NALF1: variants seen among roughly 807,000 people sequenced by gnomAD.
NALF1 encodes family with sequence similarity 155 member A.
In NALF1, 3 loss-of-function variants were observed where a neutral mutation model predicts 48.4. The ratio of observed to expected loss-of-function variants is 0.06; its 90% CI spans 0.03 to 0.16. The LOEUF (loss-of-function observed/expected upper bound fraction) is 0.16. NALF1 is among the 10% of genes least tolerant of loss of function. The probability of loss-of-function intolerance (pLI) is 1.00; values close to 1 mark genes in which losing one functional copy is unlikely to be tolerated. For synonymous variants in NALF1, 262 were observed against 245.7 expected (o/e 1.07, Z -0.62); for missense variants, 526 against 571.5 (o/e 0.92, Z 0.81).
chr13:107,468,285 G>A (rs79077073), intron 1 of NALF1, among the ~76,000 whole-genome samples: 1,798 of 152,204 alleles, frequency 0.012, 20 homozygotes, highest in South Asian at 0.035. Context: ...GCAAAATGGA[G>A]GCCACTATGC....
In NALF1 at chr13:107,576,659, T is replaced by C. The variant is rs150522443; in HGVS notation, c.915+289023A>G. Among the ~76,000 whole-genome samples, 1,484 of 152,298 alleles carry C rather than the reference T, an allele frequency of 9.7e-3. 19 individuals carry two copies. Among genetic ancestry groups the C allele is most frequent in the East Asian group, 0.057 (297 of 5,180 alleles). On this transcript the variant is annotated intron_variant, in intron 1 of 2. Coordinates refer to ENST00000375915, the MANE Select transcript of NALF1 (RefSeq NM_001080396.3). ...TCTAGGTGACTCAGGGAAGGCTTCA[T>C]GATCTGGACTCTGTGAAATTCGGTA... is the stretch of plus-strand genomic sequence containing the variant.
intron 1 of NALF1, among the ~76,000 whole-genome samples, chr13:107,851,945 A>G (rs1028378810): frequency 6.7e-6 from 1 of 150,222 alleles, no homozygotes; most frequent in East Asian, 2.0e-4. Flanking sequence ...TGTAGCTTGG[A>G]CTCAGTGCAT....
intron 2 of NALF1, among the ~76,000 whole-genome samples, chr13:107,175,317 G>GTCT (rs1878905038): frequency 6.6e-6 from 1 of 152,052 alleles, no homozygotes; most frequent in South Asian, 2.1e-4. Context: ...CTTCCACCCA[G>GTCT]TCTTCCTTAT....
chr13:107,399,898 AATT>A (rs1883775608), intron 1 of NALF1, among the ~76,000 whole-genome samples: 1 of 152,182 alleles, frequency 6.6e-6, no homozygotes, highest in African/African-American at 2.4e-5. Flanking sequence ...TGAAAAAATG[AATT>A]ATTTACATAA....
At chr13:107,471,118 C>G (rs1021938397) in intron 1 of NALF1, among the ~76,000 whole-genome samples, 2 of 152,152 alleles carry the variant, frequency 1.3e-5, no homozygotes, top group African/African-American at 2.4e-5. Context: ...ACTGGAGAGG[C>G]TGAAAGAGAA....
rs192242114 is a variant in NALF1, at chr13:107,402,233, C to T, written c.916-191478G>A. Reference sequence around the variant, plus strand: ...ATCAATCAGCCATGCGGAAGAGGTCCGCATATTCAGGATCTGAGTGAAGCT... The same window carrying T: ...ATCAATCAGCCATGCGGAAGAGGTCTGCATATTCAGGATCTGAGTGAAGCT... On this transcript the variant is annotated intron_variant, in intron 1 of 2. Coordinates refer to ENST00000375915, the MANE Select transcript of NALF1 (RefSeq NM_001080396.3). Among the ~76,000 whole-genome samples the T allele has an allele frequency of 6.0e-4, 92 of 152,278 alleles. 2 individuals carry two copies. In the South Asian group the frequency reaches 9.3e-3, roughly 15 times the overall value.
In NALF1 at chr13:107,525,652, A is replaced by G. The variant is rs146833417; in HGVS notation, c.916-314897T>C. Among the ~76,000 whole-genome samples, 676 of 152,180 alleles carry G rather than the reference A, an allele frequency of 4.4e-3. 2 individuals are homozygous for G. The highest frequency in any genetic ancestry group is 0.015 in the African/African-American group (618 of 41,556). ...ACTTGAGTGGGATTTTTTTAGTCAG[A>G]TGATAAATTGATATTTAATTTTATA... is the stretch of plus-strand genomic sequence containing the variant. On this transcript the variant is annotated intron_variant, in intron 1 of 2. Transcript: ENST00000375915.
At chr13:107,756,454 T>TATATATAA (rs1555323666) in intron 1 of NALF1, among the ~76,000 whole-genome samples, 3 of 150,892 alleles carry the variant, frequency 2.0e-5, no homozygotes, top group East Asian at 2.0e-4. Context: ...TATATATATA[T>TATATATAA]AAAGCATAAA....
intron 1 of NALF1, among the ~76,000 whole-genome samples, chr13:107,305,728 G>A (rs1474080037): frequency 6.6e-6 from 1 of 152,308 alleles, no homozygotes; most frequent in East Asian, 1.9e-4. Context: ...ACTTTACATT[G>A]AGCAAAAGAA....
chr13:107,416,292 G>A (rs1884088042), intron 1 of NALF1, among the ~76,000 whole-genome samples: 1 of 151,856 alleles, frequency 6.6e-6, no homozygotes, highest in Admixed American at 6.6e-5. Context: ...TGGGATTACA[G>A]GTGTGAGCCA....
Position 107,224,175 on chromosome 13 carries a change from A to G in NALF1, c.916-13420T>C, listed in dbSNP as rs1194939458. Among the ~76,000 whole-genome samples the G allele has an allele frequency of 2.6e-5, 4 of 152,100 alleles. No homozygotes were observed. In the East Asian group the frequency reaches 7.7e-4, roughly 29 times the overall value. ...GCTTTGGAGCAGACAGTTGATCATT[A>G]TATATTTGGAATTAAATGGCAGCAC... On this transcript the variant is annotated intron_variant, in intron 1 of 2. Transcript: ENST00000375915.
At chr13:107,262,058 A>C (rs1880938020) in intron 1 of NALF1, among the ~76,000 whole-genome samples, 1 of 152,218 alleles carries the variant, frequency 6.6e-6, no homozygotes, top group African/African-American at 2.4e-5. Flanking sequence ...TAAATAAATA[A>C]ATGAATAAAT....
At position 107,574,747 on chromosome 13, in the gene NALF1, C is replaced by T. The variant is rs140486219; in HGVS notation, c.915+290935G>A. On this transcript the variant is annotated intron_variant, in intron 1 of 2. Transcript: ENST00000375915. ...TTTGGTTGATTCCACAGCTTGAAAT[C>T]CCTAAAGGACACGCTGATTTCTCAA... Among the ~76,000 whole-genome samples the T allele has an allele frequency of 9.2e-5, 14 of 152,278 alleles. No individual in the cohort carries two copies. In the East Asian group the frequency reaches 2.3e-3, roughly 25 times the overall value.
rs1878698151 is a variant in NALF1 at position 107,167,839 on chromosome 13, T to G, written c.*2658A>C. On this transcript the variant is annotated 3_prime_UTR_variant, in exon 3 of 3. Transcript: ENST00000375915. ...GTTTTCCACCTTTTGGTTGGCATTA[T>G]CTCCAAACAAACGCTAAAACACGGG... 1 of 152,192 alleles carries G rather than the reference T, an allele frequency of 6.6e-6. No individual in the cohort carries two copies. Among genetic ancestry groups the G allele is most frequent in the Non-Finnish European group, 1.5e-5 (1 of 68,048 alleles). The allele number at this position is 152,192 out of a possible 1,614,324, so 9.4% of individuals were successfully genotyped here. A position where few individuals can be genotyped will look rare whatever the true frequency, so the allele number is the denominator to read the frequency against.
intron 1 of NALF1, among the ~76,000 whole-genome samples, chr13:107,727,220 T>A (rs762425829): frequency 5.4e-4 from 82 of 151,944 alleles, no homozygotes; most frequent in Non-Finnish European, 9.3e-4. Context: ...GAAAAAAAAA[T>A]GTGATAATAC....
At chr13:107,864,155 A>T (rs1258430998) in intron 1 of NALF1, among the ~76,000 whole-genome samples, 1 of 152,220 alleles carries the variant, frequency 6.6e-6, no homozygotes, top group Admixed American at 6.5e-5. Context: ...TTAAAGTTTT[A>T]TTCCCAGGCA....
At chr13:107,435,343 A>G (rs765855081) in intron 1 of NALF1, among the ~76,000 whole-genome samples, 1 of 152,130 alleles carries the variant, frequency 6.6e-6, no homozygotes, top group Admixed American at 6.6e-5. Context: ...AAAAAAATCA[A>G]AAGTCTACTT....
At chr13:107,338,142 T>C (rs1372235071) in intron 1 of NALF1, among the ~76,000 whole-genome samples, 1 of 152,258 alleles carries the variant, frequency 6.6e-6, no homozygotes, top group Non-Finnish European at 1.5e-5. Flanking sequence ...ATAATCCTTG[T>C]ATACTTCATT....
At chr13:107,301,726 C>T (rs1161469264) in intron 1 of NALF1, among the ~76,000 whole-genome samples, 1 of 151,526 alleles carries the variant, frequency 6.6e-6, no homozygotes, top group African/African-American at 2.4e-5. Context: ...ATGTTTTGGC[C>T]ACTACTATAA....
Sources: allele counts gnomAD v4.1 joint callset (sites outside exome capture counted in the v4.1 genomes callset), GRCh38; gene constraint gnomAD v4.1.1; transcripts MANE v1.5; gene names NCBI Gene and HGNC (gene_info 2026-07-23, HGNC 2026-07-21).